The following PDE8B variants were observed in gnomAD, a reference collection of about 807,000 sequenced individuals.
PDE8B encodes phosphodiesterase 8B, also known as high affinity cAMP-specific and IBMX-insensitive 3',5'-cyclic phosphodiesterase 8B.
A neutral mutation model predicts 101.3 loss-of-function variants in PDE8B; 26 were observed. The observed-to-expected ratio is 0.26, with a 90% CI of 0.19 to 0.36. The LOEUF is 0.36. Among genes scored for constraint, PDE8B ranks in the 10% least tolerant of loss-of-function variants. PDE8B has a pLI of 1.00. For synonymous variants in PDE8B, 424 were observed against 429.3 expected (o/e 0.99, Z 0.15); for missense variants, 810 against 1,163.1 (o/e 0.70, Z 4.42).
chr5:77,181,123 T>C, the PDE8B span, among the ~76,000 whole-genome samples: 1 of 109,668 alleles, frequency 9.1e-6, no homozygotes, highest in South Asian at 3.3e-4. Context: ...ACCCTTGCAC[T>C]AAGTTCTAGG....
chr5:77,312,747 C>G (rs1772942889), intron 2 of PDE8B, among the ~76,000 whole-genome samples: 1 of 152,240 alleles, frequency 6.6e-6, no homozygotes, highest in Non-Finnish European at 1.5e-5. Flanking sequence ...ATGCCTAGAA[C>G]TTTCTCTGGC....
the PDE8B span, among the ~76,000 whole-genome samples, chr5:77,168,242 G>A: frequency 1.2e-4 from 19 of 152,316 alleles, no homozygotes; most frequent in African/African-American, 4.3e-4. Context: ...GTAACACTCT[G>A]ACAGGGCATG....
the PDE8B span, among the ~76,000 whole-genome samples, chr5:77,170,640 T>C: frequency 6.6e-6 from 1 of 152,242 alleles, no homozygotes; most frequent in Non-Finnish European, 1.5e-5. Context: ...AGGAGATACA[T>C]GGCCACATGG....
chr5:77,334,873 T>A (rs1777830534), intron 5 of PDE8B, among the ~76,000 whole-genome samples: 1 of 152,218 alleles, frequency 6.6e-6, no homozygotes, highest in African/African-American at 2.4e-5. Flanking sequence ...AAAAGCCTTC[T>A]ATGATCAAAT....
At chr5:77,242,178 A>G (rs1449610698) in intron 1 of PDE8B, among the ~76,000 whole-genome samples, 1 of 152,250 alleles carries the variant, frequency 6.6e-6, no homozygotes, top group African/African-American at 2.4e-5. Flanking sequence ...GAGGGCAGCC[A>G]GAAATGGAAG....
intron 5 of PDE8B, among the ~76,000 whole-genome samples, chr5:77,336,516 A>G (rs1778231979): frequency 6.6e-6 from 1 of 152,200 alleles, no homozygotes. Flanking sequence ...TTCACTTAAT[A>G]CATTTTTCGG....
intron 1 of PDE8B, among the ~76,000 whole-genome samples, chr5:77,302,244 T>C (rs1770118688): frequency 6.6e-6 from 1 of 152,246 alleles, no homozygotes. Flanking sequence ...GATGGCCTCT[T>C]TATCTTTTCT....
At chr5:77,398,615 C>T (rs973528718) in intron 10 of PDE8B, among the ~76,000 whole-genome samples, 5 of 152,088 alleles carry the variant, frequency 3.3e-5, no homozygotes, top group African/African-American at 1.2e-4. Flanking sequence ...GCCACGGCGC[C>T]CGACCGGCTG....
intron 10 of PDE8B, among the ~76,000 whole-genome samples, chr5:77,367,511 G>A (rs1289677368): frequency 6.7e-6 from 1 of 149,284 alleles, no homozygotes; most frequent in East Asian, 2.0e-4. Context: ...AGCCTGGGGA[G>A]TTCCTTCTCT....
At chr5:77,421,780 G>A (rs373978977) in intron 19 of PDE8B, 41 bp from the exon 20 acceptor site, 18 of 1,603,854 alleles carry the variant, frequency 1.1e-5, no homozygotes, top group Middle Eastern at 1.7e-4. Flanking sequence ...GGGCTTCACC[G>A]TCATCTTGAA....
the PDE8B span, among the ~76,000 whole-genome samples, chr5:77,190,401 G>A: frequency 0.72 from 109,793 of 152,056 alleles, 40,614 homozygotes; most frequent in East Asian, 0.96. Flanking sequence ...GCTGAAAAAT[G>A]TTACTCTTAA....
the PDE8B span, among the ~76,000 whole-genome samples, chr5:77,123,662 G>T: frequency 4.3e-4 from 66 of 152,286 alleles, no homozygotes; most frequent in Non-Finnish European, 7.9e-4. Context: ...GGGAGGTTGA[G>T]GGGGAGGATC....
intron 16 of PDE8B, 107 bp downstream of exon 16, chr5:77,412,342 G>A (rs1164852055): frequency 1.5e-5 from 17 of 1,115,178 alleles, no homozygotes; most frequent in Non-Finnish European, 2.0e-5. Context: ...GAGACCTCAC[G>A]GGTTCTGGCT....
chr5:77,091,713 A>G, the PDE8B span, among the ~76,000 whole-genome samples: 1 of 152,218 alleles, frequency 6.6e-6, no homozygotes, highest in Non-Finnish European at 1.5e-5. Context: ...GGTTAAAGTC[A>G]TCTCTAATTC....
chr5:77,245,778 G>A (rs1184969465), intron 1 of PDE8B, among the ~76,000 whole-genome samples: 1 of 145,892 alleles, frequency 6.9e-6, no homozygotes, highest in Non-Finnish European at 1.5e-5. Context: ...AGATCATTCT[G>A]ATCAGAATCT....
intron 1 of PDE8B, among the ~76,000 whole-genome samples, chr5:77,300,272 A>G (rs1769617361): frequency 6.6e-6 from 1 of 152,250 alleles, no homozygotes; most frequent in African/African-American, 2.4e-5. Flanking sequence ...GGATGATGTC[A>G]GTGGATCCAA....
At chr5:77,204,057 T>TG in the PDE8B span, among the ~76,000 whole-genome samples, 1 of 149,600 alleles carries the variant, frequency 6.7e-6, no homozygotes, top group African/African-American at 2.5e-5. Flanking sequence ...TTAGTTTTTT[T>TG]TTTTTTTTTT....
the PDE8B span, among the ~76,000 whole-genome samples, chr5:77,110,647 A>G: frequency 3.3e-5 from 5 of 152,208 alleles, no homozygotes; most frequent in Admixed American, 1.3e-4. Flanking sequence ...AAGGAATTCC[A>G]TGATGCTGCT....
chr5:77,280,243 G>T (rs1332670143), intron 1 of PDE8B, among the ~76,000 whole-genome samples: 1 of 152,102 alleles, frequency 6.6e-6, no homozygotes, highest in Non-Finnish European at 1.5e-5. Flanking sequence ...CGGAGCCTGT[G>T]CATGGTGTCT....
Sources: allele counts gnomAD v4.1 joint callset (sites outside exome capture counted in the v4.1 genomes callset), GRCh38; gene constraint gnomAD v4.1.1; transcripts MANE v1.5; gene names NCBI Gene and HGNC (gene_info 2026-07-23, HGNC 2026-07-21).